The following NREP variants were observed in gnomAD, a reference collection of about 807,000 sequenced individuals.
NREP encodes the protein neuronal regeneration related protein.
NREP carries 5 observed loss-of-function variants against 8.6 expected under a neutral mutation model. That is an observed-to-expected ratio of 0.58 (90% CI 0.30 to 1.22). The LOEUF (loss-of-function observed/expected upper bound fraction) is 1.22, where lower values mean the gene tolerates loss of function less well. Ranked by LOEUF, NREP falls within the 50% of genes most tolerant of loss-of-function variation. NREP has a pLI of 0.07. For synonymous variants in NREP, 27 were observed against 28.0 expected (o/e 0.96, Z 0.11); for missense variants, 86 against 82.5 (o/e 1.04, Z -0.17).
Position 111,844,817 on chromosome 5 carries a change from C to G in NREP, c.136-109310G>C, listed in dbSNP as rs146121724. ...GATAAAATACCCCAATAATTCCTAACAAGGGCTATGTGCACTTGTTATATG... is the reference window on the plus strand; with the variant it reads ...GATAAAATACCCCAATAATTCCTAAGAAGGGCTATGTGCACTTGTTATATG... On this transcript the variant is annotated intron_variant, in intron 2 of 3. Coordinates refer to the NREP transcript ENST00000395634. 2.0e-5 allele frequency among the ~76,000 whole-genome samples: 3 copies of G among 150,938 alleles called. No homozygotes were observed. In the East Asian group the frequency reaches 5.8e-4, roughly 29 times the overall value.
At chr5:111,823,649 ATGTC>A (rs1477446589) in intron 2 of NREP, among the ~76,000 whole-genome samples, 30 of 152,174 alleles carry the variant, frequency 2.0e-4, no homozygotes, top group Admixed American at 9.8e-4. Context: ...TTAATGAAGA[ATGTC>A]TGAGCTGAGC....
At chr5:111,911,057 C>A (rs1374696849) in intron 2 of NREP, among the ~76,000 whole-genome samples, 1 of 152,024 alleles carries the variant, frequency 6.6e-6, no homozygotes, top group Non-Finnish European at 1.5e-5. Flanking sequence ...TGTCAAGTAT[C>A]CTGGCTATCA....
chr5:111,831,585 T>G (rs1256830494), intron 2 of NREP, among the ~76,000 whole-genome samples: 2 of 152,168 alleles, frequency 1.3e-5, no homozygotes, highest in East Asian at 3.9e-4. Context: ...ACTCTACCAC[T>G]CTTTCCTCCC....
chr5:111,889,396 T>TCCTATCACCAGG (rs1372203164), intron 2 of NREP, among the ~76,000 whole-genome samples: 5 of 152,178 alleles, frequency 3.3e-5, no homozygotes, highest in Non-Finnish European at 7.4e-5. Context: ...ACCCCCATGA[T>TCCTATCACCAGG]CCTATCACCT....
chr5:111,923,402 C>T (rs932933213), intron 2 of NREP, among the ~76,000 whole-genome samples: 4 of 152,182 alleles, frequency 2.6e-5, no homozygotes, highest in African/African-American at 9.7e-5. Context: ...TTACAACTTT[C>T]TCACAGTCAT....
chr5:111,871,475 G>A (rs1753789556), intron 2 of NREP, among the ~76,000 whole-genome samples: 1 of 152,030 alleles, frequency 6.6e-6, no homozygotes, highest in Middle Eastern at 3.2e-3. Context: ...ACTGTAGATA[G>A]TAGACTTAGG....
intron 2 of NREP, among the ~76,000 whole-genome samples, chr5:111,763,268 C>A (rs1057393242): frequency 6.6e-6 from 1 of 151,952 alleles, no homozygotes; most frequent in Non-Finnish European, 1.5e-5. Flanking sequence ...GGGATGCTGA[C>A]AATGAGAGGA....
intron 2 of NREP, among the ~76,000 whole-genome samples, chr5:111,860,154 G>C (rs997962943): frequency 6.6e-6 from 1 of 152,150 alleles, no homozygotes; most frequent in Non-Finnish European, 1.5e-5. Context: ...AGGGATTATA[G>C]CAACAGTTGC....
At chr5:111,866,827 G>A (rs1425585503) in intron 2 of NREP, among the ~76,000 whole-genome samples, 3 of 151,988 alleles carry the variant, frequency 2.0e-5, no homozygotes, top group Non-Finnish European at 4.4e-5. Flanking sequence ...AAAAAATGAT[G>A]AGTTCATGTC....
chr5:111,823,577 GTATTATGT>G, intron 2 of NREP, among the ~76,000 whole-genome samples: 1 of 152,260 alleles, frequency 6.6e-6, no homozygotes, highest in African/African-American at 2.4e-5. Flanking sequence ...TTCTAAATGT[GTATTATGT>G]TATTTAATAG....
In NREP at chr5:111,777,488, G is replaced by A. The variant is rs914258472; in HGVS notation, c.136-41981C>T. On this transcript the variant is annotated intron_variant, in intron 2 of 3. Transcript: ENST00000395634. Reference sequence around the variant, plus strand: ...TGTTACAATTTAAATTGTGTACTGCGTGCATGTAAAAACACACAAATTTCT... The same window carrying A: ...TGTTACAATTTAAATTGTGTACTGCATGCATGTAAAAACACACAAATTTCT... Among the ~76,000 whole-genome samples the A allele has an allele frequency of 5.3e-5, 8 of 152,126 alleles. 1 individual carries two copies. The highest frequency in any genetic ancestry group is 4.1e-4 in the South Asian group (2 of 4,820).
chr5:111,732,789 T>A (rs1748717923), intron 3 of NREP: 1 of 152,194 alleles, frequency 6.6e-6, no homozygotes, highest in Non-Finnish European at 1.5e-5. Flanking sequence ...ACTTAGGTTT[T>A]GGACAAATGA....
At chr5:111,802,121 GAACCAGTACCACAGACGGTTAGGAGA>G (rs1211723189) in intron 2 of NREP, among the ~76,000 whole-genome samples, 1 of 152,128 alleles carries the variant, frequency 6.6e-6, no homozygotes, top group Non-Finnish European at 1.5e-5. Flanking sequence ...CTCTATTTAA[GAACCAGTACCACAGACGGTTAGGAGA>G]AGACTGTGCT....
intron 2 of NREP, among the ~76,000 whole-genome samples, chr5:111,961,656 T>G (rs933626627): frequency 1.3e-5 from 2 of 152,232 alleles, no homozygotes; most frequent in African/African-American, 4.8e-5. Context: ...GGATTTCAAG[T>G]GACCCTATAG....
rs531248705 is a variant in NREP at position 111,856,732 on chromosome 5, A to AT, written c.135+118541dup. ...AATTTGCCTATTTTATGATACGAAG[A>AT]TTTTTTTTTTTTAACTTGAAAAAAA... On this transcript the variant is annotated intron_variant, in intron 2 of 3. Coordinates refer to the NREP transcript ENST00000395634. 8.6e-3 allele frequency among the ~76,000 whole-genome samples: 1,256 copies of AT among 146,832 alleles called. 5 individuals are homozygous for AT. Among genetic ancestry groups the AT allele is most frequent in the Non-Finnish European group, 0.013 (835 of 66,264 alleles).
intron 2 of NREP, among the ~76,000 whole-genome samples, chr5:111,875,990 A>C (rs1753898761): frequency 6.6e-6 from 1 of 152,218 alleles, no homozygotes; most frequent in Non-Finnish European, 1.5e-5. Flanking sequence ...TACATAGAGC[A>C]CAAATAACTG....
At chr5:111,957,710 C>T (rs1756364712) in intron 2 of NREP, among the ~76,000 whole-genome samples, 1 of 151,448 alleles carries the variant, frequency 6.6e-6, no homozygotes, top group South Asian at 2.1e-4. Flanking sequence ...TATATATACA[C>T]ACACACACAC....
At chr5:111,968,262 T>C (rs1456044137) in intron 2 of NREP, among the ~76,000 whole-genome samples, 2 of 152,164 alleles carry the variant, frequency 1.3e-5, no homozygotes, top group African/African-American at 4.8e-5. Context: ...TCTTTACATA[T>C]TAAACCCTAC....
intron 2 of NREP, among the ~76,000 whole-genome samples, chr5:111,882,029 T>C (rs953428875): frequency 2.6e-5 from 4 of 152,168 alleles, no homozygotes; most frequent in African/African-American, 4.8e-5. Flanking sequence ...ATCAAACTAC[T>C]CCGAGCTACA....
Sources: gnomAD v4.1 joint callset for allele counts (sites outside exome capture counted in the v4.1 genomes callset) on GRCh38, gnomAD v4.1.1 for gene constraint, MANE v1.5 for transcripts, NCBI Gene and HGNC (gene_info 2026-07-23, HGNC 2026-07-21) for gene names.